MAP4K3: variants seen among roughly 807,000 people sequenced by gnomAD.
MAP4K3 encodes the protein MAPK/ERK kinase kinase kinase 3.
A neutral mutation model predicts 143.5 loss-of-function variants in MAP4K3; 94 were observed. That is an observed-to-expected ratio of 0.65 (90% CI 0.55 to 0.78). The LOEUF (loss-of-function observed/expected upper bound fraction) is 0.78, where lower values mean the gene tolerates loss of function less well. Ranked by LOEUF, MAP4K3 falls within the 30% of genes least tolerant of loss-of-function variation. The probability of loss-of-function intolerance (pLI) is 0.00; values close to 1 mark genes in which losing one functional copy is unlikely to be tolerated. For missense variants in MAP4K3, 1,077 were observed against 1,068.1 expected, an observed-to-expected ratio of 1.01 and a Z score of -0.12; for synonymous variants, 416 against 347.2, an observed-to-expected ratio of 1.20 and a Z score of -2.20.
At chr2:39,325,467 T>TAC in intron 12 of MAP4K3, 51 bp downstream of exon 12, 1 of 1,281,258 alleles carries the variant, frequency 7.8e-7, no homozygotes, top group South Asian at 1.2e-5. Context: ...CACACATATA[T>TAC]ACATACACAT....
At chr2:39,345,408 T>A (rs140815507) in intron 3 of MAP4K3, among the ~76,000 whole-genome samples, 12 of 151,900 alleles carry the variant, frequency 7.9e-5, no homozygotes, top group Admixed American at 7.2e-4. Flanking sequence ...CAGACCGAGA[T>A]CTGAATCTTA....
intron 16 of MAP4K3, among the ~76,000 whole-genome samples, chr2:39,296,256 T>C (rs1448301862): frequency 6.6e-6 from 1 of 152,192 alleles, no homozygotes; most frequent in African/African-American, 2.4e-5. Flanking sequence ...TTAGGCTTTA[T>C]AAAAGAGAAA....
At chr2:39,373,760 G>C (rs1279811246) in intron 2 of MAP4K3, among the ~76,000 whole-genome samples, 2 of 152,232 alleles carry the variant, frequency 1.3e-5, no homozygotes, top group South Asian at 2.1e-4. Flanking sequence ...TAAGGAGATA[G>C]AGAGTAGAAG....
chr2:39,344,029 T>C (rs551099752), intron 3 of MAP4K3, among the ~76,000 whole-genome samples: 3 of 152,298 alleles, frequency 2.0e-5, no homozygotes, highest in Non-Finnish European at 4.4e-5. Context: ...CAGTCATTCA[T>C]TATTTAATCT....
At chr2:39,363,992 T>A (rs74682539) in intron 2 of MAP4K3, among the ~76,000 whole-genome samples, 168 of 129,024 alleles carry the variant, frequency 1.3e-3, no homozygotes, top group Middle Eastern at 4.1e-3. Flanking sequence ...ATAGCCATTA[T>A]AAAAAAAAAA....
At chr2:39,361,446 G>T (rs1359902485) in intron 2 of MAP4K3, among the ~76,000 whole-genome samples, 1 of 144,714 alleles carries the variant, frequency 6.9e-6, no homozygotes, top group East Asian at 2.0e-4. Flanking sequence ...AAACCCAAAA[G>T]AAAAAAAAAT....
intron 3 of MAP4K3, among the ~76,000 whole-genome samples, chr2:39,350,090 T>C (rs1665409730): frequency 6.6e-6 from 1 of 152,186 alleles, no homozygotes; most frequent in Admixed American, 6.5e-5. Context: ...GGGGTACTAA[T>C]ATTAACAACT....
rs146648340 is a variant in MAP4K3 at position 39,250,702 on chromosome 2, G to A, written c.2601C>T (p.Val867=). ...RIFRLLGSDR[V]VVLESRPTDN... ...CAGTTGGCCTACTTTCCAAAACCACGACCCTGAAAGTAATAAAAAACATAT... is the reference window on the plus strand; with the variant it reads ...CAGTTGGCCTACTTTCCAAAACCACAACCCTGAAAGTAATAAAAAACATAT... Residue 867 remains valine (V), a synonymous_variant, in exon 34 of 34, where the codon GTC becomes GTT. Transcript: ENST00000263881. 2.3e-4 allele frequency: 365 copies of A among 1,612,184 alleles called. 1 individual carries two copies. Among genetic ancestry groups the A allele is most frequent in the Admixed American group, 8.2e-4 (49 of 59,968 alleles).
intron 26 of MAP4K3, 193 bp downstream of exon 26, chr2:39,272,089 TA>T (rs1350549021): frequency 2.4e-6 from 1 of 422,046 alleles, no homozygotes; most frequent in Non-Finnish European, 4.2e-6. Flanking sequence ...ATGTCTGATA[TA>T]ATTTGAAAGT....
At chr2:39,267,146 G>C in intron 27 of MAP4K3, 43 bp downstream of exon 27, 1 of 1,577,616 alleles carries the variant, frequency 6.3e-7, no homozygotes, top group South Asian at 1.1e-5. Flanking sequence ...CAGATTTTAG[G>C]AGGAGTCTCA....
intron 3 of MAP4K3, among the ~76,000 whole-genome samples, chr2:39,354,080 G>T (rs1282180508): frequency 6.6e-6 from 1 of 152,098 alleles, no homozygotes; most frequent in African/African-American, 2.4e-5. Flanking sequence ...ACATAAATGA[G>T]TGGGGTTATC....
chr2:39,312,043 T>TA (rs1178087998), intron 13 of MAP4K3, among the ~76,000 whole-genome samples: 2 of 152,166 alleles, frequency 1.3e-5, no homozygotes, highest in Non-Finnish European at 2.9e-5. Context: ...ATGACAATAA[T>TA]ATTGTCTTAT....
At chr2:39,312,892 T>C (rs548587359) in intron 13 of MAP4K3, among the ~76,000 whole-genome samples, 1 of 152,340 alleles carries the variant, frequency 6.6e-6, no homozygotes, top group East Asian at 1.9e-4. Flanking sequence ...CTGCCTTGTG[T>C]TATTGCCACC....
chr2:39,395,248 G>C (rs1666773158), intron 1 of MAP4K3, among the ~76,000 whole-genome samples: 1 of 152,004 alleles, frequency 6.6e-6, no homozygotes, highest in Non-Finnish European at 1.5e-5. Flanking sequence ...AAGAAATTTA[G>C]CAACATAGCT....
chr2:39,391,183 G>C (rs570939940), intron 1 of MAP4K3, among the ~76,000 whole-genome samples: 9 of 150,832 alleles, frequency 6.0e-5, no homozygotes. Flanking sequence ...GTGAAACCCC[G>C]TCTCTACTAA....
At chr2:39,254,959 A>G (rs923874597) in intron 31 of MAP4K3, among the ~76,000 whole-genome samples, 1 of 152,160 alleles carries the variant, frequency 6.6e-6, no homozygotes, top group Non-Finnish European at 1.5e-5. Context: ...ACCACCCAAC[A>G]ATCAGATCCT....
At chr2:39,300,591 T>G (rs1682468615) in intron 15 of MAP4K3, among the ~76,000 whole-genome samples, 3 of 152,222 alleles carry the variant, frequency 2.0e-5, no homozygotes, top group Admixed American at 1.3e-4. Context: ...AGGCACTGTT[T>G]TAACCATTAA....
intron 2 of MAP4K3, among the ~76,000 whole-genome samples, chr2:39,367,538 TAAAAAAAC>T (rs948543229): frequency 2.7e-5 from 4 of 150,864 alleles, no homozygotes; most frequent in African/African-American, 9.8e-5. Context: ...AGACTCTATC[TAAAAAAAC>T]AAAAAAAGAA....
chr2:39,292,354 G>C (rs1682079554), intron 18 of MAP4K3, among the ~76,000 whole-genome samples: 1 of 152,220 alleles, frequency 6.6e-6, no homozygotes, highest in Non-Finnish European at 1.5e-5. Context: ...AAGCTTAAAT[G>C]AGGTTGTAAC....
Sources: allele counts gnomAD v4.1 joint callset (sites outside exome capture counted in the v4.1 genomes callset), GRCh38; gene constraint gnomAD v4.1.1; transcripts MANE v1.5; gene names NCBI Gene and HGNC (gene_info 2026-07-23, HGNC 2026-07-21).